The following PXK variants were observed in gnomAD, a reference collection of about 807,000 sequenced individuals.
The protein encoded by PXK is PX domain containing serine/threonine kinase like, also known as PX domain-containing protein kinase-like protein.
A neutral mutation model predicts 84.7 loss-of-function variants in PXK; 35 were observed. The ratio of observed to expected loss-of-function variants is 0.41; its 90% CI spans 0.32 to 0.55. PXK has a LOEUF of 0.55. Ranked by LOEUF, PXK falls within the 20% of genes least tolerant of loss-of-function variation. The pLI is 0.21. For missense variants in PXK, 634 were observed against 699.7 expected, an observed-to-expected ratio of 0.91 and a Z score of 1.06; for synonymous variants, 253 against 260.8, an observed-to-expected ratio of 0.97 and a Z score of 0.29.
intron 17 of PXK, chr3:58,420,493 G>A (rs901797135): frequency 1.5e-5 from 23 of 1,533,674 alleles, no homozygotes; most frequent in Non-Finnish European, 2.0e-5. Flanking sequence ...TCTGAATAAT[G>A]ACTTGTGTCC....
rs778718503 is a variant in PXK, at chr3:58,410,202, C to T, written c.1465+43C>T. The T allele has an allele frequency of 7.0e-6, 10 of 1,434,242 alleles. No homozygotes were observed. The African/African-American group carries it at 1.1e-4, about 16-fold the overall frequency. 88.8% of individuals were successfully genotyped at this position (1,434,242 alleles called of 1,614,324 possible). On this transcript the variant is annotated intron_variant, in intron 16 of 17. Coordinates refer to ENST00000356151, the MANE Select transcript of PXK (RefSeq NM_017771.5). ...GTAGTGGGGCCCAGGACACAGAGAT[C>T]AGGATCAGGAGTCTCTAGTTGGTCA...
At position 58,400,849 on chromosome 3, in the gene PXK, G is replaced by A. The variant is rs1330915975; in HGVS notation, c.1181+1472G>A. ...AAGAATCACTTGAACTGGGGAGGCA[G>A]AGGTTGCAGTGAGCCAAGATCTCAG... On this transcript the variant is annotated intron_variant, in intron 12 of 17. Transcript: ENST00000356151. This position sits in a 1 kb window ranked among gnomAD's most constrained non-coding sequence, Gnocchi z 4.0. Among the ~76,000 whole-genome samples the A allele has an allele frequency of 3.9e-5, 6 of 152,172 alleles. No individual in the cohort carries two copies. The highest frequency in any genetic ancestry group is 4.4e-5 in the Non-Finnish European group (3 of 68,036).
At chr3:58,352,441 T>G (rs2097951604) in intron 1 of PXK, among the ~76,000 whole-genome samples, 1 of 152,198 alleles carries the variant, frequency 6.6e-6, no homozygotes, top group East Asian at 1.9e-4. Context: ...AAACATGTAG[T>G]GGGTAGTTCT....
At chr3:58,392,474 A>T (rs2098640527) in intron 7 of PXK, among the ~76,000 whole-genome samples, 1 of 152,192 alleles carries the variant, frequency 6.6e-6, no homozygotes, top group Non-Finnish European at 1.5e-5. Flanking sequence ...GGAATGAATC[A>T]CTAGCGAACT....
chr3:58,363,915 A>C (rs575489002), intron 1 of PXK, among the ~76,000 whole-genome samples: 11 of 152,228 alleles, frequency 7.2e-5, no homozygotes, highest in African/African-American at 2.6e-4. Flanking sequence ...AGTGTCCTCT[A>C]TTCCTATTTT....
intron 3 of PXK, among the ~76,000 whole-genome samples, chr3:58,373,367 G>T (rs921375126): frequency 3.9e-5 from 6 of 152,170 alleles, no homozygotes; most frequent in Non-Finnish European, 8.8e-5. Flanking sequence ...GAGCCACAGC[G>T]CCTGGCCGAG....
In PXK at chr3:58,333,302, G is replaced by T. The variant is rs1220647522; in HGVS notation, c.102+212G>T. The T allele has an allele frequency of 3.2e-6, 1 of 309,392 alleles. No individual in the cohort carries two copies. Among genetic ancestry groups the T allele is most frequent in the Non-Finnish European group, 6.3e-6 (1 of 158,624 alleles). 19.2% of individuals were successfully genotyped at this position (309,392 alleles called of 1,614,324 possible). On this transcript the variant is annotated intron_variant, in intron 1 of 17. Transcript: ENST00000356151. This position sits in a 1 kb window ranked among gnomAD's most constrained non-coding sequence, Gnocchi z 5.4. ...GCTGAGGCCCGGAGGGGCCAAGGAT[G>T]GGGACCGCAGCTCCCGGCGCCGCGG...
At chr3:58,389,231 T>C (rs2098598265) in intron 4 of PXK, among the ~76,000 whole-genome samples, 1 of 152,182 alleles carries the variant, frequency 6.6e-6, no homozygotes, top group African/African-American at 2.4e-5. Flanking sequence ...GTTGTTGCTG[T>C]ACACTGGCTT....
At position 58,391,803 on chromosome 3, in the gene PXK, G is replaced by C; in HGVS notation, c.571G>C (p.Asp191His). 1.9e-6 allele frequency: 3 copies of C among 1,613,582 alleles called. No homozygotes were observed. The East Asian group carries it at 6.7e-5, about 36-fold the overall frequency. Residue 191 changes from aspartate to histidine, a missense_variant, in exon 7 of 18, where the codon GAT becomes CAT. This residue lies in a region of PXK where 353 missense variants were observed against 385.2 expected (regional missense o/e 0.92). Transcript: ENST00000356151. Reference protein sequence around the residue: ...ADLGPDKYLSDKDFQCLIKLL... With the variant: ...ADLGPDKYLSHKDFQCLIKLL... ...CCTTGGCCCAGACAAGTATTTGTCA[G>C]ATAAAGATTTTCAGTGTCTAATCAA...
chr3:58,420,969 T>C, intron 17 of PXK: 13 of 1,021,664 alleles, frequency 1.3e-5, no homozygotes, highest in Non-Finnish European at 1.5e-5. Context: ...AGCTCTTAGT[T>C]ACAGGGAGAC....
At chr3:58,422,195 G>A (rs535263978) in intron 17 of PXK, 3 of 985,408 alleles carry the variant, frequency 3.0e-6, no homozygotes, top group East Asian at 1.1e-4. Context: ...AATCAATGGG[G>A]CAGACTGAGT....
intron 4 of PXK, among the ~76,000 whole-genome samples, chr3:58,384,358 A>G (rs1329671334): frequency 6.6e-6 from 1 of 152,228 alleles, no homozygotes; most frequent in Non-Finnish European, 1.5e-5. Context: ...GAAGTGCTCT[A>G]CAGGGCTAAG....
intron 13 of PXK, among the ~76,000 whole-genome samples, chr3:58,406,156 G>A (rs966190413): frequency 2.6e-5 from 4 of 151,968 alleles, no homozygotes; most frequent in African/African-American, 9.7e-5. Context: ...TAGTAGAGAT[G>A]GGGTTTCATT....
At position 58,399,875 on chromosome 3, in the gene PXK, C is replaced by T. The variant is rs1015364841; in HGVS notation, c.1181+498C>T. Among the ~76,000 whole-genome samples, 2 of 152,078 alleles carry T rather than the reference C, an allele frequency of 1.3e-5. No individual in the cohort carries two copies. The highest frequency in any genetic ancestry group is 2.9e-5 in the Non-Finnish European group (2 of 68,018). ...TACTCACTGGGTACTATTTATTAAA[C>T]TCTAGCATGTACCAGGCACTGTTCT... On this transcript the variant is annotated intron_variant, in intron 12 of 17. Transcript: ENST00000356151. The surrounding 1 kb of genome is among the most constrained non-coding windows in gnomAD (Gnocchi z 4.3).
At chr3:58,396,932 A>C (rs996946108) in intron 9 of PXK, 107 bp from the exon 10 acceptor site, 5 of 1,183,818 alleles carry the variant, frequency 4.2e-6, no homozygotes, top group Non-Finnish European at 5.9e-6. Flanking sequence ...CTTCTCAGTG[A>C]CCTGTTTGGT....
chr3:58,424,974 C>T lies in PXK; in HGVS notation c.*14C>T. 6.2e-7 allele frequency: 1 copy of T among 1,613,470 alleles called. No individual in the cohort carries two copies. Among genetic ancestry groups the T allele is most frequent in the Non-Finnish European group, 8.5e-7 (1 of 1,179,754 alleles). ...AAGATCGGCTGAAGCTTCCTGTTTACACTTGGAGGGAAAAGTTCTTTTTTA... is the reference window on the plus strand; with the variant it reads ...AAGATCGGCTGAAGCTTCCTGTTTATACTTGGAGGGAAAAGTTCTTTTTTA... On this transcript the variant is annotated 3_prime_UTR_variant, in exon 18 of 18. Transcript: ENST00000356151.
In PXK at chr3:58,332,947, C is replaced by A. The variant is rs1412561546; in HGVS notation, c.-42C>A. 1 of 1,279,808 alleles carries A rather than the reference C, an allele frequency of 7.8e-7. No homozygotes were observed. The highest frequency in any genetic ancestry group is 2.8e-5 in the Admixed American group (1 of 35,414). 79.3% of individuals were successfully genotyped at this position (1,279,808 alleles called of 1,614,324 possible). ...GCGGCGGGAGTCGGCGCCTCGGGTT[C>A]CTACCTCGCGTCCCTAGGCGGCGGC... is the stretch of plus-strand genomic sequence containing the variant. On this transcript the variant is annotated 5_prime_UTR_variant, in exon 1 of 18. Coordinates refer to ENST00000356151, the MANE Select transcript of PXK (RefSeq NM_017771.5). This position sits in a 1 kb window ranked among gnomAD's most constrained non-coding sequence, Gnocchi z 5.6.
At chr3:58,410,659 A>G (rs1576719474) in intron 16 of PXK, among the ~76,000 whole-genome samples, 1 of 152,014 alleles carries the variant, frequency 6.6e-6, no homozygotes, top group East Asian at 1.9e-4. Context: ...CCTTGCTGCC[A>G]CTCCCAGCTG....
In PXK at chr3:58,379,833, C is replaced by T. The variant is rs1311036212; in HGVS notation, c.202-2681C>T. 1.3e-5 allele frequency among the ~76,000 whole-genome samples: 2 copies of T among 152,030 alleles called. No individual in the cohort carries two copies. The highest frequency in any genetic ancestry group is 6.6e-5 in the Admixed American group (1 of 15,254). ...ATTAGTCGGGCATGGTGGTGCACAT[C>T]TGTAGTCCCAGCTACAGGTGTGTAC... is the stretch of plus-strand genomic sequence containing the variant. On this transcript the variant is annotated intron_variant, in intron 3 of 17. Transcript: ENST00000356151. This position sits in a 1 kb window ranked among gnomAD's most constrained non-coding sequence, Gnocchi z 5.1.
Sources: gnomAD v4.1 joint callset for allele counts (sites outside exome capture counted in the v4.1 genomes callset) on GRCh38, gnomAD v4.1.1 for gene constraint, gnomAD v4.1.1 regional missense constraint, Gnocchi (gnomAD v3.1) non-coding constraint, MANE v1.5 for transcripts, NCBI Gene and HGNC (gene_info 2026-07-23, HGNC 2026-07-21) for gene names.